Variants in MEIOSIN observed in about 807,000 individuals in gnomAD.
MEIOSIN encodes meiosis initiator.
MEIOSIN carries 18 observed loss-of-function variants against 23.4 expected under a neutral mutation model. The ratio of observed to expected loss-of-function variants is 0.77; its 90% CI spans 0.53 to 1.14. The LOEUF is 1.14. Among genes scored for constraint, MEIOSIN ranks in the 50% most tolerant of loss-of-function variants. MEIOSIN has a pLI of 0.00. For synonymous variants in MEIOSIN, 187 were observed against 100.6 expected (o/e 1.86, Z -5.14); for missense variants, 428 against 242.9 (o/e 1.76, Z -5.07).
At position 45,753,705 on chromosome 19, in the gene MEIOSIN, C is replaced by G. The variant is rs1054309043; in HGVS notation, c.473C>G (p.Pro158Arg). ...GPARRRRHST[P>R]SSSPSSQKSC... Reference sequence around the variant, plus strand: ...GCCAGGCGGAGGAGACACTCTACCCCCTCCAGCTCCCCAAGCTCTCAGAAG... The same window carrying G: ...GCCAGGCGGAGGAGACACTCTACCCGCTCCAGCTCCCCAAGCTCTCAGAAG... The change falls in exon 6 of 15, where the codon CCC (proline) becomes CGC (arginine). Residue 158 changes from proline to arginine, a missense_variant. By Grantham distance (103) the Pro-to-Arg change is moderately radical (BLOSUM62 -2). Coordinates refer to ENST00000457052, the MANE Select transcript of MEIOSIN (RefSeq NM_001310124.2). 4 of 702,870 alleles carry G rather than the reference C, an allele frequency of 5.7e-6. No homozygotes were observed. In the Admixed American group the frequency reaches 6.0e-5, roughly 11 times the overall value. 43.5% of individuals were successfully genotyped at this position (702,870 alleles called of 1,614,324 possible). A position where few individuals can be genotyped will look rare whatever the true frequency, so the allele number is the denominator to read the frequency against.
intron 6 of MEIOSIN, 114 bp downstream of exon 6, chr19:45,753,902 A>T: frequency 1.7e-6 from 1 of 604,260 alleles, no homozygotes. Flanking sequence ...GCCGGGGTTC[A>T]ACTCCCAGCT....
intron 13 of MEIOSIN, among the ~76,000 whole-genome samples, chr19:45,762,864 C>T (rs180694019): frequency 1.3e-5 from 2 of 152,242 alleles, no homozygotes; most frequent in African/African-American, 2.4e-5. Context: ...TCACCCAGTT[C>T]CTCTGTCTTC....
At chr19:45,740,776 T>G (rs538926951) in intron 3 of MEIOSIN, among the ~76,000 whole-genome samples, 1 of 144,600 alleles carries the variant, frequency 6.9e-6, no homozygotes, top group Non-Finnish European at 1.5e-5. Flanking sequence ...ATAATAATAA[T>G]AATAATAATA....
At position 45,735,257 on chromosome 19, in the gene MEIOSIN, T is replaced by C. The variant is rs184786273; in HGVS notation, c.1-120T>C. 3.8e-3 allele frequency: 2,325 copies of C among 616,148 alleles called. 86 individuals are homozygous for C. In the Admixed American group the frequency reaches 0.054, roughly 14 times the overall value. The allele number at this position is 616,148 out of a possible 1,614,324, so 38.2% of individuals were successfully genotyped here. On this transcript the variant is annotated intron_variant, in intron 1 of 14. Transcript: ENST00000457052. Reference sequence around the variant, plus strand: ...TTTGTTGGGGCTAGGGACTCTTATTTTGGGATCTCTGGGTGCTCAAAGGAG... The same window carrying C: ...TTTGTTGGGGCTAGGGACTCTTATTCTGGGATCTCTGGGTGCTCAAAGGAG...
chr19:45,740,921 T>TC (rs1968493878), intron 3 of MEIOSIN, among the ~76,000 whole-genome samples: 1 of 152,092 alleles, frequency 6.6e-6, no homozygotes, highest in African/African-American at 2.4e-5. Flanking sequence ...TCAGTATTCA[T>TC]TAATTCAATA....
rs983551571 is a variant in MEIOSIN at position 45,757,239 on chromosome 19, C to T, written c.974C>T (p.Pro325Leu). ...DVDKGSLDADPWLPAWTPENS... is the reference protein window; with the variant it reads ...DVDKGSLDADLWLPAWTPENS... ...GACAAAGGGTCCCTAGACGCTGACCCTTGGCTCCCTGCCTGGACCCCAGAG... is the reference window on the plus strand; with the variant it reads ...GACAAAGGGTCCCTAGACGCTGACCTTTGGCTCCCTGCCTGGACCCCAGAG... The change falls in exon 9 of 15, where the codon CCT becomes CTT. Residue 325 changes from proline to leucine, a missense_variant. Physicochemically the swap from Pro to Leu is moderately conservative, Grantham distance 98 (BLOSUM62 -3). Coordinates refer to ENST00000457052, the MANE Select transcript of MEIOSIN (RefSeq NM_001310124.2). 1.1e-5 allele frequency: 8 copies of T among 702,852 alleles called. No homozygotes were observed. Among genetic ancestry groups the T allele is most frequent in the Middle Eastern group, 2.3e-4 (1 of 4,390 alleles). 43.5% of individuals were successfully genotyped at this position (702,852 alleles called of 1,614,324 possible). A position where few individuals can be genotyped will look rare whatever the true frequency, so the allele number is the denominator to read the frequency against.
In MEIOSIN at chr19:45,756,091, C is replaced by A; in HGVS notation, c.911+13C>A. On this transcript the variant is annotated intron_variant, in intron 8 of 14. Transcript: ENST00000457052. ...AGCCCCATCCCAGGTAAGGGCGTCCCCAGGGCACTGAGTGAGTGGTGCTGA... is the reference window on the plus strand; with the variant it reads ...AGCCCCATCCCAGGTAAGGGCGTCCACAGGGCACTGAGTGAGTGGTGCTGA... 1 of 702,534 alleles carries A rather than the reference C, an allele frequency of 1.4e-6. No homozygotes were observed. The highest frequency in any genetic ancestry group is 2.6e-6 in the Non-Finnish European group (1 of 384,860). The allele number at this position is 702,534 out of a possible 1,614,324, so 43.5% of individuals were successfully genotyped here.
intron 14 of MEIOSIN, among the ~76,000 whole-genome samples, chr19:45,763,747 C>A (rs550577100): frequency 6.6e-6 from 1 of 152,326 alleles, no homozygotes; most frequent in South Asian, 2.1e-4. Context: ...CTGTCCCCTC[C>A]ACCTTCAAGG....
At position 45,763,396 on chromosome 19, in the gene MEIOSIN, G is replaced by C; in HGVS notation, c.1738G>C (p.Val580Leu). ...ATKELAQLWR[V>L]MTQQERRPYC... is the part of the protein sequence containing the mutation. ...CAAGGAGCTGGCCCAGCTGTGGCGGGTGATGACCCAGCAGGAGCGGAGGCC... is the reference window on the plus strand; with the variant it reads ...CAAGGAGCTGGCCCAGCTGTGGCGGCTGATGACCCAGCAGGAGCGGAGGCC... Residue 580 changes from valine (V) to leucine (L), a missense_variant, in exon 14 of 15, where the codon GTG becomes CTG. Physicochemically the swap from Val to Leu is conservative, Grantham distance 32 (BLOSUM62 1). Transcript: ENST00000457052. 5.0e-6 allele frequency: 2 copies of C among 398,722 alleles called. No individual in the cohort carries two copies. Among genetic ancestry groups the C allele is most frequent in the Non-Finnish European group, 8.8e-6 (2 of 226,186 alleles). 24.7% of individuals were successfully genotyped at this position (398,722 alleles called of 1,614,324 possible). A position where few individuals can be genotyped will look rare whatever the true frequency, so the allele number is the denominator to read the frequency against.
intron 7 of MEIOSIN, among the ~76,000 whole-genome samples, chr19:45,755,651 G>C (rs1256491857): frequency 6.6e-6 from 1 of 150,938 alleles, no homozygotes; most frequent in African/African-American, 2.4e-5. Flanking sequence ...GTTTCACCGT[G>C]TTGGCCAGGC....
At chr19:45,758,853 C>T (rs891590860) in intron 9 of MEIOSIN, 25 bp from the exon 10 acceptor site, 5 of 702,054 alleles carry the variant, frequency 7.1e-6, no homozygotes, top group Admixed American at 2.0e-5. Flanking sequence ...TGGCCACACC[C>T]CTGAGTCTGC....
At chr19:45,746,704 C>G (rs1968601712) in intron 4 of MEIOSIN, among the ~76,000 whole-genome samples, 1 of 151,904 alleles carries the variant, frequency 6.6e-6, no homozygotes, top group Non-Finnish European at 1.5e-5. Flanking sequence ...GCCTATAATC[C>G]CAGCTACTCA....
chr19:45,756,141 G>A lies in MEIOSIN; in HGVS notation c.911+63G>A. The A allele has an allele frequency of 4.3e-6, 3 of 692,854 alleles. No individual in the cohort carries two copies. In the Admixed American group the frequency reaches 6.1e-5, roughly 14 times the overall value. The allele number at this position is 692,854 out of a possible 1,614,324, so 42.9% of individuals were successfully genotyped here. Reference sequence around the variant, plus strand: ...AGGGGTTTGGTCTGGCGTGGGTGAGGGGTAGTGGGAAGACAGGCCAAGTCA... The same window carrying A: ...AGGGGTTTGGTCTGGCGTGGGTGAGAGGTAGTGGGAAGACAGGCCAAGTCA... On this transcript the variant is annotated intron_variant, in intron 8 of 14. Transcript: ENST00000457052.
Position 45,763,324 on chromosome 19 carries a change from C to A in MEIOSIN, c.1680-14C>A. 2.5e-6 allele frequency: 1 copy of A among 398,816 alleles called. No homozygotes were observed. Among genetic ancestry groups the A allele is most frequent in the Middle Eastern group, 6.3e-4 (1 of 1,594 alleles). 24.7% of individuals were successfully genotyped at this position (398,816 alleles called of 1,614,324 possible). ...TGCAGACCTCTCCTTACCTCCTCCT[C>A]CTTCCTGTCCCAGATCCTGCCCTGG... On this transcript the variant is annotated splice_polypyrimidine_tract_variant and intron_variant, in intron 13 of 14. Transcript: ENST00000457052.
chr19:45,755,998 T>G lies in MEIOSIN; in HGVS notation c.831T>G (p.Asp277Glu). The part of the protein sequence containing the change: ...SSCWCQGSVQ[D>E]DAPFPALLAQ... ...GCTGGTGCCAGGGCAGTGTCCAGGA[T>G]GACGCACCTTTCCCTGCGCTCCTGG... Residue 277 changes from aspartate (D) to glutamate (E), a missense_variant, in exon 8 of 15, where the codon GAT becomes GAG. Coordinates refer to ENST00000457052, the MANE Select transcript of MEIOSIN (RefSeq NM_001310124.2). The G allele has an allele frequency of 1.4e-6, 1 of 702,898 alleles. No homozygotes were observed. The highest frequency in any genetic ancestry group is 2.6e-6 in the Non-Finnish European group (1 of 385,018). 43.5% of individuals were successfully genotyped at this position (702,898 alleles called of 1,614,324 possible). A position where few individuals can be genotyped will look rare whatever the true frequency, so the allele number is the denominator to read the frequency against.
At chr19:45,734,703 G>C (rs915071739) in intron 1 of MEIOSIN, among the ~76,000 whole-genome samples, 2 of 134,070 alleles carry the variant, frequency 1.5e-5, no homozygotes, top group African/African-American at 5.6e-5. Flanking sequence ...GTGGAGTTTT[G>C]TCATATTGCC....
intron 3 of MEIOSIN, among the ~76,000 whole-genome samples, chr19:45,743,009 G>A (rs754368913): frequency 1.3e-5 from 2 of 152,090 alleles, no homozygotes; most frequent in African/African-American, 2.4e-5. Context: ...GCTAAAACCC[G>A]AACCATCCAG....
chr19:45,736,870 C>CTTT (rs1179690772), intron 2 of MEIOSIN, among the ~76,000 whole-genome samples: 2 of 135,526 alleles, frequency 1.5e-5, no homozygotes, highest in African/African-American at 2.7e-5. Flanking sequence ...TGCGCCCAGC[C>CTTT]TTTTTTTTTT....
chr19:45,763,860 A>G lies in MEIOSIN; in HGVS notation c.1770-111A>G, dbSNP rs566331374. On this transcript the variant is annotated intron_variant, in intron 14 of 14. Transcript: ENST00000457052. ...TTGGTGGACCCAAGGCTCGCCCAAT[A>G]GAGGCTAAAACGGTGGCCCAGGCCC... 8.0e-4 allele frequency: 317 copies of G among 397,884 alleles called. 3 individuals are homozygous for G. Among genetic ancestry groups the G allele is most frequent in the Admixed American group, 1.7e-3 (39 of 22,728 alleles). The allele number at this position is 397,884 out of a possible 1,614,324, so 24.6% of individuals were successfully genotyped here.
Sources: allele counts gnomAD v4.1 joint callset (sites outside exome capture counted in the v4.1 genomes callset), GRCh38; gene constraint gnomAD v4.1.1; transcripts MANE v1.5; gene names NCBI Gene and HGNC (gene_info 2026-07-23, HGNC 2026-07-21).